The following SCAPER variants were observed in gnomAD, a reference collection of about 807,000 sequenced individuals.
SCAPER encodes S-phase cyclin A associated protein in the ER.
In SCAPER, 98 loss-of-function variants were observed where a neutral mutation model predicts 182.2. The ratio of observed to expected loss-of-function variants is 0.54; its 90% CI spans 0.46 to 0.64. SCAPER has a LOEUF of 0.64. Among genes scored for constraint, SCAPER ranks in the 30% least tolerant of loss-of-function variants. The pLI is 0.00. For missense variants in SCAPER, 1,432 were observed against 1,690.0 expected (o/e 0.85, Z 2.68); for synonymous variants, 605 against 564.6 (o/e 1.07, Z -1.01).
chr15:76,397,129 A>G (rs2044120694), intron 27 of SCAPER, among the ~76,000 whole-genome samples: 2 of 151,808 alleles, frequency 1.3e-5, no homozygotes, highest in Non-Finnish European at 2.9e-5. Flanking sequence ...GATGTATCAC[A>G]CTGACTAATT....
chr15:76,640,621 C>T (rs1310856623), intron 21 of SCAPER, among the ~76,000 whole-genome samples: 1 of 151,998 alleles, frequency 6.6e-6, no homozygotes, highest in Non-Finnish European at 1.5e-5. Flanking sequence ...GTTTATTGTC[C>T]ATATGTAAAA....
chr15:76,503,818 A>G (rs548889546), intron 24 of SCAPER, among the ~76,000 whole-genome samples: 1 of 152,218 alleles, frequency 6.6e-6, no homozygotes, highest in Admixed American at 6.5e-5. Flanking sequence ...TGCCTCTCAG[A>G]AAAAAAAGAT....
chr15:76,588,249 T>C (rs1403610599), intron 22 of SCAPER, among the ~76,000 whole-genome samples: 3 of 152,144 alleles, frequency 2.0e-5, no homozygotes, highest in Non-Finnish European at 2.9e-5. Flanking sequence ...TAGGTAGCAG[T>C]AGTTGTTTTA....
At chr15:76,712,404 T>C (rs1301048428) in intron 17 of SCAPER, among the ~76,000 whole-genome samples, 6 of 152,202 alleles carry the variant, frequency 3.9e-5, no homozygotes, top group African/African-American at 2.4e-5. Flanking sequence ...TGGCTTAGGA[T>C]TGACTTGGCG....
chr15:76,687,382 T>C (rs2058089005), intron 20 of SCAPER, among the ~76,000 whole-genome samples: 2 of 152,172 alleles, frequency 1.3e-5, no homozygotes, highest in African/African-American at 4.8e-5. Flanking sequence ...TCTCTTACCA[T>C]TATCCGATAA....
chr15:76,725,950 C>CA (rs34812589), intron 17 of SCAPER, among the ~76,000 whole-genome samples: 32,220 of 145,278 alleles, frequency 0.22, 4,323 homozygotes, highest in Admixed American at 0.35. Flanking sequence ...TTGAATATGA[C>CA]AAAAAAAAAG....
At chr15:76,836,282 G>A (rs1054228206) in intron 5 of SCAPER, among the ~76,000 whole-genome samples, 8 of 152,024 alleles carry the variant, frequency 5.3e-5, no homozygotes, top group Non-Finnish European at 1.0e-4. Flanking sequence ...TAAGCAAAAA[G>A]AACAAAGCTG....
chr15:76,509,251 A>C (rs1390220522), intron 23 of SCAPER, among the ~76,000 whole-genome samples: 1 of 152,194 alleles, frequency 6.6e-6, no homozygotes, highest in African/African-American at 2.4e-5. Context: ...TTGCTCCTTT[A>C]GATTATCCCC....
chr15:76,838,817 C>T (rs1357873701), intron 5 of SCAPER, among the ~76,000 whole-genome samples: 2 of 152,180 alleles, frequency 1.3e-5, no homozygotes, highest in Non-Finnish European at 2.9e-5. Context: ...AACATTCAAC[C>T]GGAGAAGAAG....
At chr15:76,469,175 T>G (rs899443886) in intron 25 of SCAPER, among the ~76,000 whole-genome samples, 13 of 152,222 alleles carry the variant, frequency 8.5e-5, no homozygotes, top group Admixed American at 3.9e-4. Context: ...TCAAATGCCA[T>G]TCTCTTTCAT....
intron 24 of SCAPER, 71 bp from the exon 25 acceptor site, chr15:76,471,406 A>C: frequency 1.4e-6 from 2 of 1,471,996 alleles, no homozygotes; most frequent in Non-Finnish European, 1.8e-6. Flanking sequence ...AAATACATAA[A>C]ATGAATGGTA....
chr15:76,467,392 C>T (rs1006971122), intron 25 of SCAPER, among the ~76,000 whole-genome samples: 5 of 151,866 alleles, frequency 3.3e-5, no homozygotes, highest in Non-Finnish European at 5.9e-5. Context: ...TGTCCACATG[C>T]CCCACTCTTC....
chr15:76,719,924 T>TC (rs1208468310), intron 17 of SCAPER, among the ~76,000 whole-genome samples: 2 of 147,020 alleles, frequency 1.4e-5, no homozygotes, highest in Non-Finnish European at 3.0e-5. Flanking sequence ...ATGGTATTTC[T>TC]TTTTTTTTTT....
rs139599113 is a variant in SCAPER at position 76,376,558 on chromosome 15, T to C, written c.3706-247A>G. The stretch of plus-strand genomic sequence containing the variant: ...TGCCTGTACCACGTGGATCAAGACA[T>C]TATCTACCTAAAGCACAGTTATTTA... On this transcript the variant is annotated intron_variant, in intron 28 of 31. Transcript: ENST00000563290. Among the ~76,000 whole-genome samples the C allele has an allele frequency of 1.6e-4, 24 of 152,344 alleles. No homozygotes were observed. In the Middle Eastern group the frequency reaches 0.01, roughly 65 times the overall value.
intron 8 of SCAPER, among the ~76,000 whole-genome samples, chr15:76,791,725 A>G (rs2065018823): frequency 6.6e-6 from 1 of 152,128 alleles, no homozygotes; most frequent in African/African-American, 2.4e-5. Flanking sequence ...TGAGAAGCTA[A>G]TGAGCTAAGC....
intron 7 of SCAPER, 37 bp from the exon 8 acceptor site, chr15:76,795,477 A>G: frequency 7.2e-7 from 1 of 1,391,386 alleles, no homozygotes; most frequent in African/African-American, 1.5e-5. Flanking sequence ...TAAATTAAAT[A>G]TAAAAGAAAA....
chr15:76,728,493 AC>A (rs1277590643), intron 17 of SCAPER, 101 bp downstream of exon 17: 1 of 1,449,808 alleles, frequency 6.9e-7, no homozygotes, highest in Non-Finnish European at 9.5e-7. Flanking sequence ...ACATCGCAAA[AC>A]CTCATCTCAA....
At position 76,536,224 on chromosome 15, in the gene SCAPER, T is replaced by C. The variant is rs2044145842; in HGVS notation, c.2839-31250A>G. On this transcript the variant is annotated intron_variant, in intron 23 of 31. Coordinates refer to ENST00000563290, the MANE Select transcript of SCAPER (RefSeq NM_020843.4). Reference sequence around the variant, plus strand: ...ATGTTTAAAAATATTTTTGGCCAAGTGCGGTGGTGTGTGCCACTCAGCTAC... The same window carrying C: ...ATGTTTAAAAATATTTTTGGCCAAGCGCGGTGGTGTGTGCCACTCAGCTAC... Among the ~76,000 whole-genome samples the C allele has an allele frequency of 2.6e-5, 4 of 152,262 alleles. No homozygotes were observed. The South Asian group carries it at 8.3e-4, about 32-fold the overall frequency.
intron 23 of SCAPER, among the ~76,000 whole-genome samples, chr15:76,557,956 T>C (rs575368613): frequency 5.9e-5 from 9 of 152,250 alleles, no homozygotes; most frequent in African/African-American, 9.6e-5. Context: ...ATGCAGAAGA[T>C]TGAAACTGGA....
Sources: allele counts gnomAD v4.1 joint callset (sites outside exome capture counted in the v4.1 genomes callset), GRCh38; gene constraint gnomAD v4.1.1; transcripts MANE v1.5; gene names NCBI Gene and HGNC (gene_info 2026-07-23, HGNC 2026-07-21).